Variants in CA10 observed in about 807,000 individuals in gnomAD.
The protein encoded by CA10 is carbonic anhydrase-related protein 10.
In CA10, 14 loss-of-function variants were observed where a neutral mutation model predicts 44.2. The ratio of observed to expected loss-of-function variants is 0.32; its 90% CI spans 0.21 to 0.50. The LOEUF is 0.50. Among genes scored for constraint, CA10 ranks in the 20% least tolerant of loss-of-function variants. The pLI, the probability that CA10 is intolerant of heterozygous loss-of-function variation, is 0.99. For missense variants in CA10, 350 were observed against 409.7 expected (o/e 0.85, Z 1.26); for synonymous variants, 159 against 141.6 (o/e 1.12, Z -0.87).
chr17:51,838,314 A>G (rs976554650), intron 3 of CA10, among the ~76,000 whole-genome samples: 1 of 152,314 alleles, frequency 6.6e-6, no homozygotes. Context: ...TTGTATATCT[A>G]TCCTTGATAT....
chr17:52,086,799 G>A (rs902353323), intron 1 of CA10, among the ~76,000 whole-genome samples: 1 of 152,094 alleles, frequency 6.6e-6, no homozygotes, highest in Non-Finnish European at 1.5e-5. Flanking sequence ...GTTATAAAAT[G>A]GGGTCTCAAA....
At chr17:51,679,621 G>A (rs535116969) in intron 4 of CA10, among the ~76,000 whole-genome samples, 3 of 150,092 alleles carry the variant, frequency 2.0e-5, no homozygotes, top group South Asian at 2.1e-4. Context: ...GTGCAGTGGC[G>A]CAATCTCAGC....
At position 51,638,559 on chromosome 17, in the gene CA10, G is replaced by T. The variant is rs114068254; in HGVS notation, c.635-2550C>A. Among the ~76,000 whole-genome samples the T allele has an allele frequency of 5.6e-3, 857 of 152,326 alleles. 5 individuals carry two copies. The highest frequency in any genetic ancestry group is 0.019 in the African/African-American group (806 of 41,574). On this transcript the variant is annotated intron_variant, in intron 6 of 8. Transcript: ENST00000451037. ...ACACACGACGTGAGGGACCTTGGGG[G>T]TTACATCAGGGGCCAACCCAATAAG...
At chr17:52,144,827 T>C (rs111720139) in intron 1 of CA10, among the ~76,000 whole-genome samples, 53 of 152,306 alleles carry the variant, frequency 3.5e-4, no homozygotes, top group African/African-American at 1.3e-3. Flanking sequence ...AAGCCACCAT[T>C]TATCAAGTGC....
intron 3 of CA10, among the ~76,000 whole-genome samples, chr17:51,878,036 C>G (rs922772079): frequency 6.8e-5 from 10 of 146,336 alleles, no homozygotes; most frequent in African/African-American, 2.5e-4. Flanking sequence ...CCCAGCTACT[C>G]GGGAGGCTGA....
At chr17:51,876,524 A>G (rs1980089565) in intron 3 of CA10, among the ~76,000 whole-genome samples, 1 of 151,918 alleles carries the variant, frequency 6.6e-6, no homozygotes, top group South Asian at 2.1e-4. Flanking sequence ...CTTGAATTTA[A>G]AGTGGAATAA....
chr17:51,831,702 G>T lies in CA10; in HGVS notation c.280-83884C>A, dbSNP rs527966006. On this transcript the variant is annotated intron_variant, in intron 3 of 8. Transcript: ENST00000451037. ...AGCAGCAGCAGCAGCAGCAGCAGCA[G>T]CAGCAGCAGCAGCAGCAGCAGCAGC... is the stretch of plus-strand genomic sequence containing the variant. Among the ~76,000 whole-genome samples the T allele has an allele frequency of 2.1e-3, 192 of 92,056 alleles. 1 individual carries two copies. Among genetic ancestry groups the T allele is most frequent in the African/African-American group, 5.4e-3 (157 of 29,012 alleles). 60.4% of individuals were successfully genotyped at this position (92,056 alleles called of 152,430 possible). A position where few individuals can be genotyped will look rare whatever the true frequency, so the allele number is the denominator to read the frequency against.
intron 3 of CA10, among the ~76,000 whole-genome samples, chr17:51,771,571 G>A (rs1905614822): frequency 6.6e-6 from 1 of 152,156 alleles, no homozygotes; most frequent in African/African-American, 2.4e-5. Flanking sequence ...AAACTCAGTA[G>A]TCATACACTT....
At chr17:52,115,802 AG>A (rs1360099767) in intron 1 of CA10, among the ~76,000 whole-genome samples, 2 of 152,224 alleles carry the variant, frequency 1.3e-5, no homozygotes, top group Non-Finnish European at 2.9e-5. Flanking sequence ...AGCAATTAAA[AG>A]TTTCTCTCAG....
intron 2 of CA10, among the ~76,000 whole-genome samples, chr17:52,064,476 G>C (rs554238796): frequency 2.6e-5 from 4 of 152,240 alleles, no homozygotes; most frequent in Non-Finnish European, 2.9e-5. Context: ...TCCTGGATCA[G>C]CAAGTAACCC....
intron 2 of CA10, among the ~76,000 whole-genome samples, chr17:52,046,478 A>G (rs958181461): frequency 6.6e-6 from 1 of 151,862 alleles, no homozygotes; most frequent in Non-Finnish European, 1.5e-5. Context: ...TATGAAAATG[A>G]CAAATTCCTT....
At chr17:52,128,963 T>C (rs1989175463) in intron 1 of CA10, among the ~76,000 whole-genome samples, 1 of 152,174 alleles carries the variant, frequency 6.6e-6, no homozygotes, top group Non-Finnish European at 1.5e-5. Flanking sequence ...CCTCACTATT[T>C]CAGTTAGACC....
intron 2 of CA10, among the ~76,000 whole-genome samples, chr17:52,051,464 C>A (rs1178019156): frequency 2.6e-5 from 4 of 151,456 alleles, no homozygotes; most frequent in Non-Finnish European, 5.9e-5. Flanking sequence ...AAAAAAAACT[C>A]CATGAAGAAG....
intron 3 of CA10, among the ~76,000 whole-genome samples, chr17:51,923,408 T>G (rs1297581826): frequency 6.6e-6 from 1 of 152,194 alleles, no homozygotes; most frequent in African/African-American, 2.4e-5. Flanking sequence ...CTCACTCTAT[T>G]AAAACATTAA....
At chr17:51,882,390 C>T (rs1215293950) in intron 3 of CA10, among the ~76,000 whole-genome samples, 1 of 152,100 alleles carries the variant, frequency 6.6e-6, no homozygotes, top group Non-Finnish European at 1.5e-5. Context: ...CTTGAGATTG[C>T]CTATCCCCAG....
intron 4 of CA10, among the ~76,000 whole-genome samples, chr17:51,663,197 C>CTTT (rs772717489): frequency 0.021 from 3,013 of 142,002 alleles, 88 homozygotes; most frequent in African/African-American, 0.06. Flanking sequence ...TTCCGTGATG[C>CTTT]TTTTTTTTTT....
chr17:51,935,951 G>A (rs1161075638), intron 2 of CA10, among the ~76,000 whole-genome samples: 2 of 152,128 alleles, frequency 1.3e-5, no homozygotes, highest in African/African-American at 4.8e-5. Context: ...AAGGTGTTCC[G>A]AAGTTAGATT....
At chr17:51,962,608 C>T (rs979642886) in intron 2 of CA10, among the ~76,000 whole-genome samples, 2 of 152,114 alleles carry the variant, frequency 1.3e-5, no homozygotes, top group African/African-American at 2.4e-5. Context: ...AACCACAGAA[C>T]TCAATATAAA....
chr17:51,935,055 T>G (rs1173940627), intron 2 of CA10, among the ~76,000 whole-genome samples: 1 of 152,116 alleles, frequency 6.6e-6, no homozygotes, highest in Non-Finnish European at 1.5e-5. Flanking sequence ...AGTGAGAAAC[T>G]TGCCCTGTGG....
Sources: allele counts gnomAD v4.1 joint callset (sites outside exome capture counted in the v4.1 genomes callset), GRCh38; gene constraint gnomAD v4.1.1; transcripts MANE v1.5; gene names NCBI Gene and HGNC (gene_info 2026-07-23, HGNC 2026-07-21).